FOXP1: variants seen among roughly 807,000 people sequenced by gnomAD.
FOXP1 encodes the protein forkhead box P1.
FOXP1 carries 15 observed loss-of-function variants against 98.2 expected under a neutral mutation model. The observed-to-expected ratio is 0.15, with a 90% confidence interval of 0.10 to 0.24. The LOEUF is 0.24. FOXP1 is among the 10% of genes least tolerant of loss of function. The pLI, the probability that FOXP1 is intolerant of heterozygous loss-of-function variation, is 1.00. For synonymous variants in FOXP1, 371 were observed against 314.5 expected (o/e 1.18, Z -1.90); for missense variants, 633 against 848.5 (o/e 0.75, Z 3.15).
At chr3:71,351,306 T>C (rs1008309140) in intron 4 of FOXP1, among the ~76,000 whole-genome samples, 1 of 152,118 alleles carries the variant, frequency 6.6e-6, no homozygotes, top group Non-Finnish European at 1.5e-5. Context: ...CCTTTATGAC[T>C]AAGCTGGTCA....
At chr3:71,441,963 T>A (rs549985462) in intron 3 of FOXP1, among the ~76,000 whole-genome samples, 1 of 152,376 alleles carries the variant, frequency 6.6e-6, no homozygotes, top group South Asian at 2.1e-4. Flanking sequence ...TTCTGCCTGA[T>A]GTTATTTGCA....
At chr3:71,286,696 G>GAAACAAAACA (rs1425534455) in intron 5 of FOXP1, among the ~76,000 whole-genome samples, 2 of 152,040 alleles carry the variant, frequency 1.3e-5, no homozygotes, top group African/African-American at 4.8e-5. Context: ...ATTCAAATCA[G>GAAACAAAACA]AAACAAAACA....
chr3:71,519,453 C>T (rs2042820855), intron 2 of FOXP1, among the ~76,000 whole-genome samples: 1 of 152,146 alleles, frequency 6.6e-6, no homozygotes, highest in Admixed American at 6.5e-5. Flanking sequence ...CTTCCTATCT[C>T]AAATGCCAAA....
At chr3:71,038,918 G>A (rs1018433209) in intron 11 of FOXP1, among the ~76,000 whole-genome samples, 2 of 151,950 alleles carry the variant, frequency 1.3e-5, no homozygotes, top group African/African-American at 4.8e-5. Context: ...CTCCTGCCTC[G>A]GCCTCACAAA....
intron 6 of FOXP1, among the ~76,000 whole-genome samples, chr3:71,177,733 T>C (rs1408596425): frequency 1.3e-5 from 2 of 152,148 alleles, no homozygotes; most frequent in African/African-American, 4.8e-5. Context: ...GTACTAAGCA[T>C]GAGTATGGAG....
rs869086663 is a variant in FOXP1, at chr3:71,404,120, C to CTTTTTTTTTTTTTTTT, written c.-167-44892_-167-44877dup. On this transcript the variant is annotated intron_variant, in intron 3 of 20. Coordinates refer to ENST00000649528, the MANE Select transcript of FOXP1 (RefSeq NM_001349338.3). ...ATTGGGGTTTTTTTCTTTTCTTTTTCTTTTTTTTTTTTTTTTTTTTTTTTG... is the reference window on the plus strand; with the variant it reads ...ATTGGGGTTTTTTTCTTTTCTTTTTCTTTTTTTTTTTTTTTTTTTTTTTTTTTTTTTTTTTTTTTTG... 4.3e-4 allele frequency among the ~76,000 whole-genome samples: 27 copies of CTTTTTTTTTTTTTTTT among 62,714 alleles called. 1 individual carries two copies. Among genetic ancestry groups the CTTTTTTTTTTTTTTTT allele is most frequent in the African/African-American group, 9.5e-4 (15 of 15,742 alleles). The allele number at this position is 62,714 out of a possible 152,430, so 41.1% of individuals were successfully genotyped here.
At chr3:71,084,359 T>C (rs2054788568) in intron 7 of FOXP1, among the ~76,000 whole-genome samples, 1 of 152,056 alleles carries the variant, frequency 6.6e-6, no homozygotes, top group Admixed American at 6.6e-5. Context: ...TGTGGTTTTT[T>C]TTTTTCCCCC....
intron 2 of FOXP1, among the ~76,000 whole-genome samples, chr3:71,551,946 T>C (rs2045812536): frequency 1.3e-5 from 2 of 152,194 alleles, no homozygotes; most frequent in Admixed American, 6.5e-5. Flanking sequence ...AGTGTTGAAA[T>C]ACTCAGCATT....
intron 4 of FOXP1, among the ~76,000 whole-genome samples, chr3:71,351,623 C>T (rs2077785950): frequency 6.6e-6 from 1 of 152,210 alleles, no homozygotes; most frequent in South Asian, 2.1e-4. Context: ...CCAGATTCAC[C>T]CTGGTAAATA....
At chr3:71,025,224 T>C (rs1258170617) in intron 11 of FOXP1, among the ~76,000 whole-genome samples, 2 of 152,122 alleles carry the variant, frequency 1.3e-5, no homozygotes, top group African/African-American at 2.4e-5. Context: ...CTATAAAAAC[T>C]GTGTCTGGGG....
intron 2 of FOXP1, among the ~76,000 whole-genome samples, chr3:71,527,223 T>A (rs2107507321): frequency 6.6e-6 from 1 of 152,264 alleles, no homozygotes; most frequent in Non-Finnish European, 1.5e-5. Flanking sequence ...CAGTAACAGG[T>A]GATCTGTGAC....
At chr3:71,144,928 A>T (rs968632518) in intron 6 of FOXP1, among the ~76,000 whole-genome samples, 3 of 152,208 alleles carry the variant, frequency 2.0e-5, no homozygotes, top group Non-Finnish European at 4.4e-5. Flanking sequence ...ATGGAATCAT[A>T]TAGTGTGTAA....
intron 5 of FOXP1, among the ~76,000 whole-genome samples, chr3:71,266,881 G>A (rs1472942541): frequency 6.6e-6 from 1 of 152,178 alleles, no homozygotes; most frequent in Non-Finnish European, 1.5e-5. Flanking sequence ...CTCCATCCAT[G>A]TTGCAGTAAG....
At position 71,439,221 on chromosome 3, in the gene FOXP1, C is replaced by T. The variant is rs533591896; in HGVS notation, c.-168+54205G>A. On this transcript the variant is annotated intron_variant, in intron 3 of 20. Coordinates refer to ENST00000649528, the MANE Select transcript of FOXP1 (RefSeq NM_001349338.3). ...TGGTCAAGGTGTGATTATGGCTGCA[C>T]GAGAGCTGCTCAGAACCCTGGGACC... is the stretch of plus-strand genomic sequence containing the variant. Among the ~76,000 whole-genome samples, 7 of 152,304 alleles carry T rather than the reference C, an allele frequency of 4.6e-5. No homozygotes were observed. The South Asian group carries it at 1.2e-3, about 27-fold the overall frequency.
Position 71,583,671 on chromosome 3 carries a change from C to T in FOXP1, c.-547G>A, listed in dbSNP as rs2048372688. On this transcript the variant is annotated 5_prime_UTR_variant, in exon 1 of 21. Coordinates refer to ENST00000649528, the MANE Select transcript of FOXP1 (RefSeq NM_001349338.3). ...CGCGCACCCCGCGCACACACTCACT[C>T]GCGCACACACGCGCGCACACACGCA... 1.1e-5 allele frequency: 11 copies of T among 984,640 alleles called. No homozygotes were observed. Among genetic ancestry groups the T allele is most frequent in the Middle Eastern group, 5.2e-4 (1 of 1,914 alleles). 61.0% of individuals were successfully genotyped at this position (984,640 alleles called of 1,614,324 possible).
At chr3:70,972,488 A>AGCCTCTACGTTAT in intron 18 of FOXP1, 67 bp downstream of exon 18, 1 of 1,605,626 alleles carries the variant, frequency 6.2e-7, no homozygotes, top group Non-Finnish European at 8.5e-7. Flanking sequence ...TAGCAGCCAA[A>AGCCTCTACGTTAT]GCCTCTACGT....
chr3:71,431,278 AGG>A (rs2084692690), intron 3 of FOXP1, among the ~76,000 whole-genome samples: 3 of 152,188 alleles, frequency 2.0e-5, no homozygotes. Context: ...TTCATGGATG[AGG>A]AAGCCTTATT....
intron 12 of FOXP1, among the ~76,000 whole-genome samples, chr3:71,001,822 G>A (rs938284104): frequency 6.6e-6 from 1 of 152,176 alleles, no homozygotes; most frequent in Admixed American, 6.5e-5. Context: ...TCAGAGGGCT[G>A]AATCAAAGCC....
chr3:70,958,925 T>A lies in FOXP1; in HGVS notation c.*322A>T. 2.3e-6 allele frequency: 1 copy of A among 426,878 alleles called. No homozygotes were observed. Among genetic ancestry groups the A allele is most frequent in the South Asian group, 2.3e-5 (1 of 43,922 alleles). The allele number at this position is 426,878 out of a possible 1,614,324, so 26.4% of individuals were successfully genotyped here. A position where few individuals can be genotyped will look rare whatever the true frequency, so the allele number is the denominator to read the frequency against. ...GTTGGCAGGACTGCAGTTCAAAGTC[T>A]GCTGCTAAAAGTGAATCAGTTTAGC... On this transcript the variant is annotated 3_prime_UTR_variant, in exon 21 of 21. Coordinates refer to ENST00000649528, the MANE Select transcript of FOXP1 (RefSeq NM_001349338.3).
Sources: allele counts gnomAD v4.1 joint callset (sites outside exome capture counted in the v4.1 genomes callset), GRCh38; gene constraint gnomAD v4.1.1; transcripts MANE v1.5; gene names NCBI Gene and HGNC (gene_info 2026-07-23, HGNC 2026-07-21).